Variants in BRIP1 observed in about 807,000 individuals in gnomAD.
The protein encoded by BRIP1 is BRCA1 interacting DNA helicase 1, also known as Fanconi anemia group J protein.
BRIP1 carries 88 observed loss-of-function variants against 119.7 expected under a neutral mutation model. The ratio of observed to expected loss-of-function variants is 0.74; its 90% CI spans 0.62 to 0.88. The LOEUF is 0.88. BRIP1 is among the 40% of genes least tolerant of loss of function. The probability of loss-of-function intolerance (pLI) is 0.00; values close to 1 mark genes in which losing one functional copy is unlikely to be tolerated. For missense variants in BRIP1, 1,259 were observed against 1,455.4 expected, an observed-to-expected ratio of 0.87 and a Z score of 2.20; for synonymous variants, 443 against 496.5, an observed-to-expected ratio of 0.89 and a Z score of 1.43.
At position 61,793,640 on chromosome 17, in the gene BRIP1, AAAGTT is replaced by A. The variant is rs768736851; in HGVS notation, c.1425_1429del (p.Leu475PhefsTer34). On this transcript the variant is annotated frameshift_variant, in exon 10 of 20. Coordinates refer to ENST00000259008, the MANE Select transcript of BRIP1 (RefSeq NM_032043.3). LOFTEE classifies it high-confidence loss of function. This position sits in a 1 kb window ranked among gnomAD's most constrained non-coding sequence, Gnocchi z 5.2. ...AGCAGTGGTGATACCCATTTTGTGTAAAGTTAAGAGCATTTCATTTCCACTCCATA... is the reference window on the plus strand; with the variant it reads ...AGCAGTGGTGATACCCATTTTGTGTAAAGAGCATTTCATTTCCACTCCATA... 1 of 1,608,994 alleles carries A rather than the reference AAAGTT, an allele frequency of 6.2e-7. No homozygotes were observed. Among genetic ancestry groups the A allele is most frequent in the South Asian group, 1.1e-5 (1 of 90,426 alleles).
At chr17:61,830,454 ACACAAATT>A (rs138980856) in intron 6 of BRIP1, among the ~76,000 whole-genome samples, 53,473 of 151,490 alleles carry the variant, frequency 0.35, 10,512 homozygotes, top group African/African-American at 0.53. Context: ...AAGGAGATAG[ACACAAATT>A]CACAAATTAT....
At chr17:61,781,777 C>T (rs1457180555) in intron 11 of BRIP1, among the ~76,000 whole-genome samples, 1 of 151,444 alleles carries the variant, frequency 6.6e-6, no homozygotes, top group African/African-American at 2.4e-5. Flanking sequence ...AAAAATTAGC[C>T]AGGTGTGGTG....
intron 6 of BRIP1, among the ~76,000 whole-genome samples, chr17:61,838,055 T>C (rs1460500870): frequency 6.6e-6 from 1 of 152,170 alleles, no homozygotes; most frequent in African/African-American, 2.4e-5. Context: ...TAATTTACCA[T>C]TTAATTTATG....
chr17:61,829,620 G>A (rs1263137149), intron 6 of BRIP1, among the ~76,000 whole-genome samples: 1 of 151,936 alleles, frequency 6.6e-6, no homozygotes, highest in Non-Finnish European at 1.5e-5. Flanking sequence ...CATTTGCCAA[G>A]ACAGATCGTC....
chr17:61,780,530 C>T lies in BRIP1; in HGVS notation c.1795-129G>A. ...ATCGCTTGAGTCTAGGAGTCTGAGACCAGCCTGGGCAATATGGTGAAACCC... is the reference window on the plus strand; with the variant it reads ...ATCGCTTGAGTCTAGGAGTCTGAGATCAGCCTGGGCAATATGGTGAAACCC... On this transcript the variant is annotated intron_variant, in intron 12 of 19. Coordinates refer to ENST00000259008, the MANE Select transcript of BRIP1 (RefSeq NM_032043.3). The surrounding 1 kb of genome is among the most constrained non-coding windows in gnomAD (Gnocchi z 5.4). The T allele has an allele frequency of 1.2e-6, 1 of 859,632 alleles. No individual in the cohort carries two copies. The highest frequency in any genetic ancestry group is 2.6e-5 in the East Asian group (1 of 39,112). 53.3% of individuals were successfully genotyped at this position (859,632 alleles called of 1,614,324 possible). A position where few individuals can be genotyped will look rare whatever the true frequency, so the allele number is the denominator to read the frequency against.
rs2061385680 is a variant in BRIP1 at position 61,687,998 on chromosome 17, G to C, written c.2576-1833C>G. Among the ~76,000 whole-genome samples, 1 of 152,192 alleles carries C rather than the reference G, an allele frequency of 6.6e-6. No homozygotes were observed. The highest frequency in any genetic ancestry group is 2.4e-5 in the African/African-American group (1 of 41,442). On this transcript the variant is annotated intron_variant, in intron 18 of 19. Coordinates refer to ENST00000259008, the MANE Select transcript of BRIP1 (RefSeq NM_032043.3). This position sits in a 1 kb window ranked among gnomAD's most constrained non-coding sequence, Gnocchi z 5.1. ...CTGTGCAGCAAGTTTCTGCTCCACA[G>C]GAACCACAGTGCAACAGAGGCCCAT...
chr17:61,709,900 A>AG lies in BRIP1; in HGVS notation c.2492+6050dup, dbSNP rs564406346. ...TGTGCTTAAAAAAATTAACATTAAA[A>AG]GGAATCCATTGGTTTCTGCTTACTT... On this transcript the variant is annotated intron_variant, in intron 17 of 19. Coordinates refer to ENST00000259008, the MANE Select transcript of BRIP1 (RefSeq NM_032043.3). The surrounding 1 kb of genome is among the most constrained non-coding windows in gnomAD (Gnocchi z 5.0). Among the ~76,000 whole-genome samples, 627 of 152,358 alleles carry AG rather than the reference A, an allele frequency of 4.1e-3. 3 individuals are homozygous for AG. The highest frequency in any genetic ancestry group is 5.5e-3 in the Non-Finnish European group (373 of 68,028).
Position 61,739,488 on chromosome 17 carries a change from C to T in BRIP1, c.2379+3525G>A, listed in dbSNP as rs747183470. 6.2e-5 allele frequency: 11 copies of T among 178,730 alleles called. No homozygotes were observed. Among genetic ancestry groups the T allele is most frequent in the South Asian group, 2.0e-4 (1 of 5,056 alleles). The allele number at this position is 178,730 out of a possible 1,614,324, so 11.1% of individuals were successfully genotyped here. ...AGACTCTGAATCATCAAGTGAGATA[C>T]CCCCTGAGGACTTTCAGAAATTTTG... is the stretch of plus-strand genomic sequence containing the variant. On this transcript the variant is annotated intron_variant, in intron 16 of 19. Coordinates refer to ENST00000259008, the MANE Select transcript of BRIP1 (RefSeq NM_032043.3). The surrounding 1 kb of genome is among the most constrained non-coding windows in gnomAD (Gnocchi z 6.0).
rs1603362484 is a variant in BRIP1, at chr17:61,849,033, C to T, written c.507+96G>A. On this transcript the variant is annotated intron_variant, in intron 5 of 19. Transcript: ENST00000259008. ...ATTAATTTATGGCTGTCACATGACC[C>T]AACTAATCTCCACAAGTGCATTAAA... The T allele has an allele frequency of 2.2e-6, 3 of 1,340,042 alleles. No individual in the cohort carries two copies. The East Asian group carries it at 6.9e-5, about 31-fold the overall frequency. 83.0% of individuals were successfully genotyped at this position (1,340,042 alleles called of 1,614,324 possible).
rs2077935316 is a variant in BRIP1 at position 61,798,452 on chromosome 17, T to C, written c.1340+648A>G. On this transcript the variant is annotated intron_variant, in intron 9 of 19. Coordinates refer to ENST00000259008, the MANE Select transcript of BRIP1 (RefSeq NM_032043.3). The surrounding 1 kb of genome is among the most constrained non-coding windows in gnomAD (Gnocchi z 5.5). ...AGGGATGGAACTGGAAGGAGGTTTT[T>C]ACTATACAAATTTGTATACATTTTG... 6.6e-6 allele frequency among the ~76,000 whole-genome samples: 1 copy of C among 152,044 alleles called. No homozygotes were observed. Among genetic ancestry groups the C allele is most frequent in the Non-Finnish European group, 1.5e-5 (1 of 67,908 alleles).
chr17:61,714,842 C>T (rs1271373728), intron 17 of BRIP1, among the ~76,000 whole-genome samples: 1 of 147,548 alleles, frequency 6.8e-6, no homozygotes, highest in Non-Finnish European at 1.5e-5. Flanking sequence ...GGCTCTGTTG[C>T]CCAGGCTGGA....
intron 17 of BRIP1, among the ~76,000 whole-genome samples, chr17:61,715,282 A>G (rs2061843036): frequency 6.6e-6 from 1 of 151,950 alleles, no homozygotes; most frequent in African/African-American, 2.4e-5. Context: ...TTATCCTTCA[A>G]CATTATCACT....
intron 14 of BRIP1, among the ~76,000 whole-genome samples, chr17:61,773,609 T>A (rs1003641573): frequency 4.0e-5 from 6 of 151,824 alleles, no homozygotes; most frequent in Non-Finnish European, 7.4e-5. Flanking sequence ...GAAACTACCA[T>A]CAGAGTGAAC....
chr17:61,689,543 T>TG lies in BRIP1; in HGVS notation c.2576-3379dup, dbSNP rs1372309227. Among the ~76,000 whole-genome samples, 1 of 151,982 alleles carries TG rather than the reference T, an allele frequency of 6.6e-6. No individual in the cohort carries two copies. The highest frequency in any genetic ancestry group is 1.9e-4 in the East Asian group (1 of 5,182). ...ATAATGACCGAAAACTTAATAAACC[T>TG]GGGGGGAGGAAAATGACATCCAAAT... On this transcript the variant is annotated intron_variant, in intron 18 of 19. Coordinates refer to ENST00000259008, the MANE Select transcript of BRIP1 (RefSeq NM_032043.3). The surrounding 1 kb of genome is among the most constrained non-coding windows in gnomAD (Gnocchi z 4.5).
chr17:61,711,861 C>T (rs2144344218), intron 17 of BRIP1, among the ~76,000 whole-genome samples: 1 of 150,154 alleles, frequency 6.7e-6, no homozygotes, highest in African/African-American at 2.5e-5. Flanking sequence ...GAGCAAGACT[C>T]TCTCAAAAAA....
Position 61,832,570 on chromosome 17 carries a change from G to T in BRIP1, c.627+14531C>A, listed in dbSNP as rs2078509926. 6.6e-6 allele frequency among the ~76,000 whole-genome samples: 1 copy of T among 152,154 alleles called. No homozygotes were observed. The highest frequency in any genetic ancestry group is 2.4e-5 in the African/African-American group (1 of 41,448). ...TCACTTCTGTGACATTCCTGCCAAA[G>T]ATAAATAACCTCAGTCTAATGAGAA... On this transcript the variant is annotated intron_variant, in intron 6 of 19. Coordinates refer to ENST00000259008, the MANE Select transcript of BRIP1 (RefSeq NM_032043.3). This position sits in a 1 kb window ranked among gnomAD's most constrained non-coding sequence, Gnocchi z 5.5.
intron 16 of BRIP1, among the ~76,000 whole-genome samples, chr17:61,723,685 C>T (rs1246835264): frequency 6.6e-6 from 1 of 152,162 alleles, no homozygotes; most frequent in Non-Finnish European, 1.5e-5. Flanking sequence ...ATACATTTTA[C>T]AAGCCTTTCC....
At position 61,803,180 on chromosome 17, in the gene BRIP1, C is replaced by T. The variant is rs1022253852; in HGVS notation, c.919-1706G>A. ...TCCAATCTTGGTTCACTGCAACCTC[C>T]GCCTCCCAGGTTCAAGCAATTCTTG... On this transcript the variant is annotated intron_variant, in intron 7 of 19. Coordinates refer to ENST00000259008, the MANE Select transcript of BRIP1 (RefSeq NM_032043.3). The surrounding 1 kb of genome is among the most constrained non-coding windows in gnomAD (Gnocchi z 4.3). Among the ~76,000 whole-genome samples, 2 of 152,002 alleles carry T rather than the reference C, an allele frequency of 1.3e-5. No homozygotes were observed. Among genetic ancestry groups the T allele is most frequent in the African/African-American group, 4.8e-5 (2 of 41,384 alleles).
chr17:61,794,282 AC>A lies in BRIP1; in HGVS notation c.1341-554del, dbSNP rs1227652647. ...CTTACTCTCATGGAAATTACATTCT[AC>A]TAAAGGGAGACAGGAATAAACATCA... On this transcript the variant is annotated intron_variant, in intron 9 of 19. Coordinates refer to ENST00000259008, the MANE Select transcript of BRIP1 (RefSeq NM_032043.3). The surrounding 1 kb of genome is among the most constrained non-coding windows in gnomAD (Gnocchi z 4.3). Among the ~76,000 whole-genome samples, 2 of 152,162 alleles carry A rather than the reference AC, an allele frequency of 1.3e-5. No individual in the cohort carries two copies. Among genetic ancestry groups the A allele is most frequent in the Non-Finnish European group, 2.9e-5 (2 of 68,024 alleles).
Sources: allele counts gnomAD v4.1 joint callset (sites outside exome capture counted in the v4.1 genomes callset), GRCh38; gene constraint gnomAD v4.1.1; non-coding constraint Gnocchi (gnomAD v3.1); transcripts MANE v1.5; gene names NCBI Gene and HGNC (gene_info 2026-07-23, HGNC 2026-07-21).